ESRRG: variants seen among roughly 807,000 people sequenced by gnomAD.
ESRRG encodes the protein estrogen related receptor gamma.
Under a neutral mutation model 44.0 loss-of-function variants are expected in ESRRG, and 13 were observed. The observed-to-expected ratio is 0.30, with a 90% CI of 0.19 to 0.47. The LOEUF (loss-of-function observed/expected upper bound fraction) is 0.47, where lower values mean the gene tolerates loss of function less well. Ranked by LOEUF, ESRRG falls within the 20% of genes least tolerant of loss-of-function variation. ESRRG has a pLI of 1.00. For synonymous variants in ESRRG, 215 were observed against 214.6 expected, an observed-to-expected ratio of 1.00 and a Z score of -0.02; for missense variants, 395 against 580.6, an observed-to-expected ratio of 0.68 and a Z score of 3.29.
chr1:216,938,896 A>G (rs2064644822), intron 2 of ESRRG, among the ~76,000 whole-genome samples: 1 of 152,212 alleles, frequency 6.6e-6, no homozygotes, highest in Non-Finnish European at 1.5e-5. Context: ...GATAGTCATT[A>G]CAACTACAAC....
intron 2 of ESRRG, among the ~76,000 whole-genome samples, chr1:216,743,166 T>TA (rs1170472449): frequency 6.6e-6 from 1 of 152,178 alleles, no homozygotes; most frequent in Non-Finnish European, 1.5e-5. Flanking sequence ...AGGTGTGCTT[T>TA]AAAATCTAAG....
chr1:216,562,143 G>C (rs764072295), intron 5 of ESRRG, among the ~76,000 whole-genome samples: 25 of 152,102 alleles, frequency 1.6e-4, no homozygotes, highest in Admixed American at 1.1e-3. Context: ...TGCTTTATCT[G>C]TATGATATCA....
In ESRRG at chr1:216,505,632, A is replaced by G. The variant is rs1348273439; in HGVS notation, c.*1307T>C. ...CAAGTAGAGAGGTGCACTCCTGACA[A>G]TTCTACGGATCTATATCTCATGTGC... On this transcript the variant is annotated 3_prime_UTR_variant, in exon 7 of 7. Coordinates refer to ENST00000408911, the MANE Select transcript of ESRRG (RefSeq NM_001438.4). 2 of 152,546 alleles carry G rather than the reference A, an allele frequency of 1.3e-5. No homozygotes were observed. Among genetic ancestry groups the G allele is most frequent in the African/African-American group, 4.8e-5 (2 of 41,430 alleles). The allele number at this position is 152,546 out of a possible 1,614,324, so 9.4% of individuals were successfully genotyped here. A position where few individuals can be genotyped will look rare whatever the true frequency, so the allele number is the denominator to read the frequency against.
chr1:217,039,075 C>A (rs549823251), intron 1 of ESRRG, among the ~76,000 whole-genome samples: 1 of 152,206 alleles, frequency 6.6e-6, no homozygotes, highest in Non-Finnish European at 1.5e-5. Context: ...TGCTCCAGTT[C>A]GCATTGAGTT....
chr1:216,618,068 T>A (rs528593258), intron 3 of ESRRG, among the ~76,000 whole-genome samples: 2 of 152,354 alleles, frequency 1.3e-5, no homozygotes, highest in East Asian at 3.9e-4. Context: ...AAGTACTTAT[T>A]AGAGTATCAG....
intron 1 of ESRRG, among the ~76,000 whole-genome samples, chr1:217,075,858 G>A (rs1370544193): frequency 6.6e-6 from 1 of 152,098 alleles, no homozygotes; most frequent in South Asian, 2.1e-4. Flanking sequence ...TATGTAGAGG[G>A]GGTTGATGCT....
At chr1:216,588,962 G>T (rs1446019346) in intron 3 of ESRRG, among the ~76,000 whole-genome samples, 1 of 151,948 alleles carries the variant, frequency 6.6e-6, no homozygotes, top group African/African-American at 2.4e-5. Context: ...CATGACTGAA[G>T]GTGTAAGGAA....
At chr1:216,811,432 A>G (rs2094965373) in intron 2 of ESRRG, among the ~76,000 whole-genome samples, 1 of 152,152 alleles carries the variant, frequency 6.6e-6, no homozygotes, top group South Asian at 2.1e-4. Flanking sequence ...ACAATGCTCA[A>G]AAAAAATCAC....
intron 1 of ESRRG, among the ~76,000 whole-genome samples, chr1:216,707,058 C>T (rs1009053958): frequency 3.3e-5 from 5 of 152,144 alleles, no homozygotes; most frequent in African/African-American, 4.8e-5. Flanking sequence ...AGATTAAGGG[C>T]AAGGTTTTCT....
At chr1:216,679,115 G>T (rs1401975471) in intron 1 of ESRRG, among the ~76,000 whole-genome samples, 1 of 152,206 alleles carries the variant, frequency 6.6e-6, no homozygotes, top group African/African-American at 2.4e-5. Flanking sequence ...AGGATGTGAA[G>T]AAAGCAAATA....
chr1:216,574,882 G>T lies in ESRRG; in HGVS notation c.590-6784C>A, dbSNP rs2061426974. ...TTTTTCCTGCACTATATGTTTTCCT[G>T]ATACAGTAGTTCACTTTGCTGCCTA... On this transcript the variant is annotated intron_variant, in intron 3 of 6. Transcript: ENST00000408911. Among the ~76,000 whole-genome samples the T allele has an allele frequency of 3.9e-5, 6 of 152,216 alleles. No homozygotes were observed. The South Asian group carries it at 1.0e-3, about 26-fold the overall frequency.
chr1:216,511,844 G>A (rs1184725547), intron 6 of ESRRG, among the ~76,000 whole-genome samples: 2 of 151,622 alleles, frequency 1.3e-5, no homozygotes, highest in Non-Finnish European at 2.9e-5. Context: ...GACAATTTGG[G>A]CTTCAAAAAG....
In ESRRG at chr1:217,098,740, T is replaced by C. The variant is rs830316; in HGVS notation, c.-230+38927A>G. ...AAATTATTTAATGTGCCTACAATCA[T>C]TCTAAGTTTCCAAAACTTATTATTT... On this transcript the variant is annotated intron_variant, in intron 1 of 8. Coordinates refer to the ESRRG transcript ENST00000366940. 1.9e-3 allele frequency among the ~76,000 whole-genome samples: 297 copies of C among 152,332 alleles called. 1 individual carries two copies. Among genetic ancestry groups the C allele is most frequent in the Non-Finnish European group, 3.7e-3 (254 of 68,020 alleles).
At chr1:216,923,648 C>T (rs1294739334) in intron 2 of ESRRG, among the ~76,000 whole-genome samples, 2 of 152,176 alleles carry the variant, frequency 1.3e-5, no homozygotes, top group African/African-American at 4.8e-5. Context: ...AGATTAGAAA[C>T]AGTGGCAGCA....
intron 1 of ESRRG, among the ~76,000 whole-genome samples, chr1:216,994,650 C>T (rs868759071): frequency 1.8e-4 from 27 of 152,140 alleles, no homozygotes; most frequent in African/African-American, 5.8e-4. Context: ...GGCGCTATGT[C>T]GGCTCACTGC....
intron 1 of ESRRG, among the ~76,000 whole-genome samples, chr1:217,124,468 T>C (rs2092863138): frequency 6.6e-6 from 1 of 152,190 alleles, no homozygotes; most frequent in South Asian, 2.1e-4. Context: ...CTTTAAATAT[T>C]ATGATCCCTA....
intron 2 of ESRRG, among the ~76,000 whole-genome samples, chr1:216,926,215 C>A (rs1017729952): frequency 1.3e-5 from 2 of 152,176 alleles, no homozygotes; most frequent in African/African-American, 4.8e-5. Flanking sequence ...CAGATCTGCA[C>A]ACACCTGGGA....
rs141569391 is a variant in ESRRG at position 216,998,831 on chromosome 1, T to C, written c.-105-59158A>G. 1.5e-3 allele frequency among the ~76,000 whole-genome samples: 231 copies of C among 152,352 alleles called. 3 individuals are homozygous for C. The highest frequency in any genetic ancestry group is 5.4e-3 in the African/African-American group (224 of 41,590). ...AATTTATACAATTTATAAAATCTTATGACAAAATTATAAATGGCCATTGAG... is the reference window on the plus strand; with the variant it reads ...AATTTATACAATTTATAAAATCTTACGACAAAATTATAAATGGCCATTGAG... On this transcript the variant is annotated intron_variant, in intron 1 of 7. Transcript: ENST00000359162.
chr1:216,572,334 C>T (rs1052381818), intron 3 of ESRRG, among the ~76,000 whole-genome samples: 4 of 152,010 alleles, frequency 2.6e-5, no homozygotes, highest in Non-Finnish European at 5.9e-5. Context: ...AACCTACAAA[C>T]AAGGGACATA....
Sources: gnomAD v4.1 joint callset for allele counts (sites outside exome capture counted in the v4.1 genomes callset) on GRCh38, gnomAD v4.1.1 for gene constraint, MANE v1.5 for transcripts, NCBI Gene and HGNC (gene_info 2026-07-23, HGNC 2026-07-21) for gene names.